Variants in KLF17 observed in about 807,000 individuals in gnomAD.
KLF17 encodes the protein Krueppel-like factor 17.
A neutral mutation model predicts 34.2 loss-of-function variants in KLF17; 31 were observed. That is an observed-to-expected ratio of 0.91 (90% CI 0.68 to 1.22). KLF17 has a LOEUF of 1.22. Among genes scored for constraint, KLF17 ranks in the 50% most tolerant of loss-of-function variants. KLF17 has a pLI of 0.00. For synonymous variants in KLF17, 179 were observed against 186.7 expected (o/e 0.96, Z 0.34); for missense variants, 478 against 505.2 (o/e 0.95, Z 0.52).
the KLF17 span, among the ~76,000 whole-genome samples, chr1:44,082,503 T>C: frequency 6.6e-6 from 1 of 152,218 alleles, no homozygotes; most frequent in Non-Finnish European, 1.5e-5. Flanking sequence ...CAATTTTGTG[T>C]ATGTCCCCAG....
At chr1:44,110,121 G>A in the KLF17 span, among the ~76,000 whole-genome samples, 5 of 151,912 alleles carry the variant, frequency 3.3e-5, no homozygotes, top group Admixed American at 3.3e-4. Context: ...TGGCCAGGCT[G>A]GTCTCAAACT....
At chr1:44,096,062 C>T in the KLF17 span, among the ~76,000 whole-genome samples, 1 of 152,066 alleles carries the variant, frequency 6.6e-6, no homozygotes, top group African/African-American at 2.4e-5. Context: ...CTGCCTCAGC[C>T]TCCCGAGTAG....
chr1:44,104,052 G>T, the KLF17 span: 1 of 873,764 alleles, frequency 1.1e-6, no homozygotes, highest in Non-Finnish European at 2.0e-6. Flanking sequence ...CACAGACGTG[G>T]CGGAGATCTG....
At chr1:44,078,946 A>C in the KLF17 span, among the ~76,000 whole-genome samples, 1 of 152,158 alleles carries the variant, frequency 6.6e-6, no homozygotes, top group African/African-American at 2.4e-5. Context: ...CAGCCTCCCA[A>C]AGTGCTGGGA....
the KLF17 span, among the ~76,000 whole-genome samples, chr1:44,073,209 C>CTTTTTTTTTTTT: frequency 2.2e-5 from 3 of 137,784 alleles, no homozygotes; most frequent in Non-Finnish European, 4.7e-5. Flanking sequence ...TCTTCTTCTT[C>CTTTTTTTTTTTT]TTTTTTTTTT....
At chr1:44,127,904 G>A (rs2088046844) in intron 1 of KLF17, among the ~76,000 whole-genome samples, 1 of 138,562 alleles carries the variant, frequency 7.2e-6, no homozygotes, top group African/African-American at 2.7e-5. Context: ...TTTCTGTCTT[G>A]GTGGTTTATT....
chr1:44,060,692 GTGAACCCTAA>G, the KLF17 span, among the ~76,000 whole-genome samples: 1 of 152,094 alleles, frequency 6.6e-6, no homozygotes, highest in East Asian at 1.9e-4. Context: ...CCTAAAGAAT[GTGAACCCTAA>G]AGAACCCTAA....
In KLF17 at chr1:44,133,280, C is replaced by T. The variant is rs562350020; in HGVS notation, c.*43C>T. 6.6e-6 allele frequency: 1 copy of T among 152,244 alleles called. No homozygotes were observed. Among genetic ancestry groups the T allele is most frequent in the African/African-American group, 2.4e-5 (1 of 41,444 alleles). The allele number at this position is 152,244 out of a possible 1,614,324, so 9.4% of individuals were successfully genotyped here. A position where few individuals can be genotyped will look rare whatever the true frequency, so the allele number is the denominator to read the frequency against. ...AGGATTCCAGGCTGAGAGCACTGGACGTGGCAACTGTTCAGAGGAGAGGCA... is the reference window on the plus strand; with the variant it reads ...AGGATTCCAGGCTGAGAGCACTGGATGTGGCAACTGTTCAGAGGAGAGGCA... On this transcript the variant is annotated 3_prime_UTR_variant, in exon 4 of 4. Transcript: ENST00000372299.
At chr1:44,058,597 C>T in the KLF17 span, among the ~76,000 whole-genome samples, 1 of 151,036 alleles carries the variant, frequency 6.6e-6, no homozygotes, top group African/African-American at 2.4e-5. Context: ...CCTCCCATCG[C>T]CCTTTTATAT....
chr1:44,129,789 G>A lies in KLF17; in HGVS notation c.518G>A (p.Gly173Glu). The part of the protein sequence containing the change: ...STGIPIMSHT[G>E]NPPVPYPGLS... ...GGAATCCCAATAATGTCCCACACTG[G>A]GAACCCTCCAGTGCCTTACCCTGGC... The change falls in exon 2 of 4, where the codon GGG becomes GAG. Residue 173 changes from glycine to glutamate, a missense_variant. Transcript: ENST00000372299. The A allele has an allele frequency of 1.2e-6, 2 of 1,614,092 alleles. No homozygotes were observed. The highest frequency in any genetic ancestry group is 2.2e-5 in the South Asian group (2 of 91,074).
chr1:44,047,569 A>C, the KLF17 span, among the ~76,000 whole-genome samples: 1 of 149,584 alleles, frequency 6.7e-6, no homozygotes, highest in African/African-American at 2.5e-5. Flanking sequence ...GACCCGGCAC[A>C]GTGACATCAA....
chr1:44,059,473 A>T, the KLF17 span, among the ~76,000 whole-genome samples: 1 of 152,084 alleles, frequency 6.6e-6, no homozygotes, highest in African/African-American at 2.4e-5. Flanking sequence ...AATCATCTTC[A>T]TGGTTGCTGG....
chr1:44,075,845 A>G, the KLF17 span, among the ~76,000 whole-genome samples: 1 of 152,208 alleles, frequency 6.6e-6, no homozygotes, highest in South Asian at 2.1e-4. Flanking sequence ...GCTGATATTA[A>G]CATTTTTGTT....
chr1:44,121,861 C>G (rs1344770074), intron 1 of KLF17, among the ~76,000 whole-genome samples: 4 of 152,212 alleles, frequency 2.6e-5, no homozygotes, highest in African/African-American at 9.7e-5. Flanking sequence ...ATTGATCTCT[C>G]TGTAGAAATT....
the KLF17 span, among the ~76,000 whole-genome samples, chr1:44,062,957 T>C: frequency 6.6e-6 from 1 of 152,190 alleles, no homozygotes; most frequent in African/African-American, 2.4e-5. Context: ...AGTAGCTTTA[T>C]TCATGATAGC....
the KLF17 span, among the ~76,000 whole-genome samples, chr1:44,108,660 C>CTTTTTTTT: frequency 1.6e-3 from 120 of 75,344 alleles, 6 homozygotes; most frequent in Non-Finnish European, 2.1e-3. Context: ...TTTGTTAGCT[C>CTTTTTTTT]TTTTTTTTTT....
intron 1 of KLF17, chr1:44,122,087 A>G: frequency 9.9e-7 from 1 of 1,009,714 alleles, no homozygotes; most frequent in Non-Finnish European, 1.5e-6. Context: ...AAACTGACAT[A>G]AACACAACCT....
At chr1:44,132,981 C>T (rs868038868) in intron 3 of KLF17, among the ~76,000 whole-genome samples, 2 of 152,152 alleles carry the variant, frequency 1.3e-5, no homozygotes, top group South Asian at 2.1e-4. Context: ...TGGTCTCTTC[C>T]GTAAGAAGAT....
At chr1:44,080,775 C>T in the KLF17 span, among the ~76,000 whole-genome samples, 5 of 126,816 alleles carry the variant, frequency 3.9e-5, no homozygotes, top group African/African-American at 9.3e-5. Flanking sequence ...AGTGCGATGG[C>T]GTGATCTCGG....
Sources: allele counts gnomAD v4.1 joint callset (sites outside exome capture counted in the v4.1 genomes callset), GRCh38; gene constraint gnomAD v4.1.1; transcripts MANE v1.5; gene names NCBI Gene and HGNC (gene_info 2026-07-23, HGNC 2026-07-21).